ABHD5: variants seen among roughly 807,000 people sequenced by gnomAD.
The protein encoded by ABHD5 is abhydrolase domain containing 5, lysophosphatidic acid acyltransferase, also known as 1-acylglycerol-3-phosphate O-acyltransferase ABHD5.
In ABHD5, 30 loss-of-function variants were observed where a neutral mutation model predicts 44.9. The observed-to-expected ratio is 0.67, with a 90% CI of 0.50 to 0.91. ABHD5 has a LOEUF of 0.91. Ranked by LOEUF, ABHD5 falls within the 40% of genes least tolerant of loss-of-function variation. ABHD5 has a pLI of 0.00. For missense variants in ABHD5, 399 were observed against 423.4 expected (o/e 0.94, Z 0.50); for synonymous variants, 167 against 147.0 (o/e 1.14, Z -0.99).
In ABHD5 at chr3:43,718,636, G is replaced by A. The variant is rs2149607165; in HGVS notation, c.*104G>A. On this transcript the variant is annotated 3_prime_UTR_variant, in exon 7 of 7. Coordinates refer to ENST00000644371, the MANE Select transcript of ABHD5 (RefSeq NM_016006.6). ...AGTGAATACAACACACAACCAGGCA[G>A]CCTTCTTGACTATACTTTGCACATG... 8.8e-7 allele frequency: 1 copy of A among 1,135,504 alleles called. No homozygotes were observed. Among genetic ancestry groups the A allele is most frequent in the Non-Finnish European group, 1.3e-6 (1 of 750,156 alleles). 70.3% of individuals were successfully genotyped at this position (1,135,504 alleles called of 1,614,324 possible).
rs191845239 is a variant in ABHD5, at chr3:43,703,921, G to C, written c.506+1334G>C. Among the ~76,000 whole-genome samples the C allele has an allele frequency of 4.6e-5, 7 of 151,850 alleles. No homozygotes were observed. In the East Asian group the frequency reaches 1.2e-3, roughly 25 times the overall value. Reference sequence around the variant, plus strand: ...TACACCTGATTTTTCTGATCTCATGGTCCTATATGTGCTAGACAATAATAG... The same window carrying C: ...TACACCTGATTTTTCTGATCTCATGCTCCTATATGTGCTAGACAATAATAG... On this transcript the variant is annotated intron_variant, in intron 3 of 6. Transcript: ENST00000644371.
intron 3 of ABHD5, among the ~76,000 whole-genome samples, chr3:43,705,662 C>G (rs1458727060): frequency 1.3e-5 from 2 of 152,160 alleles, no homozygotes; most frequent in African/African-American, 4.8e-5. Context: ...CTGGAATTAA[C>G]AATCTCACGG....
intron 4 of ABHD5, among the ~76,000 whole-genome samples, chr3:43,714,089 C>T (rs1219334889): frequency 1.3e-5 from 2 of 151,640 alleles, no homozygotes; most frequent in Non-Finnish European, 1.5e-5. Flanking sequence ...CCCTTGTGGG[C>T]CTTGCCCTGG....
At chr3:43,697,961 A>G (rs1363875210) in intron 1 of ABHD5, among the ~76,000 whole-genome samples, 1 of 152,218 alleles carries the variant, frequency 6.6e-6, no homozygotes, top group Non-Finnish European at 1.5e-5. Context: ...TGGACTGAGA[A>G]TCCCCTGGAT....
At chr3:43,696,192 T>G (rs2149592103) in intron 1 of ABHD5, among the ~76,000 whole-genome samples, 1 of 152,352 alleles carries the variant, frequency 6.6e-6, no homozygotes, top group East Asian at 1.9e-4. Context: ...GACACTTTGG[T>G]CACTGTTGAA....
intron 2 of ABHD5, among the ~76,000 whole-genome samples, chr3:43,700,013 G>C (rs2084520918): frequency 1.3e-5 from 2 of 152,176 alleles, no homozygotes; most frequent in Non-Finnish European, 1.5e-5. Flanking sequence ...TATGCTTTGA[G>C]AACAGATTCT....
intron 1 of ABHD5, among the ~76,000 whole-genome samples, chr3:43,692,879 C>G (rs906285169): frequency 6.6e-6 from 1 of 152,142 alleles, no homozygotes; most frequent in Non-Finnish European, 1.5e-5. Context: ...GTTCCCTACC[C>G]TTAAGACATT....
chr3:43,717,894 G>T, intron 6 of ABHD5, 37 bp downstream of exon 6: 1 of 1,612,960 alleles, frequency 6.2e-7, no homozygotes, highest in South Asian at 1.1e-5. Flanking sequence ...TTAGGTATAG[G>T]TGAGGTCCGT....
Position 43,702,393 on chromosome 3 carries a change from CTA to C in ABHD5, c.314_315del (p.Tyr105CysfsTer3). The C allele has an allele frequency of 3.1e-6, 5 of 1,614,210 alleles. No individual in the cohort carries two copies. Among genetic ancestry groups the C allele is most frequent in the Non-Finnish European group, 4.2e-6 (5 of 1,180,048 alleles). The stretch of plus-strand genomic sequence containing the variant: ...GAGATCTTTGCACCAACAGACCTGT[CTA>C]TGCTTTTGACCTATTGGGTTTTGGA... ...FGDLCTNRPVYAFDLLGFGRS... is the reference protein window; with the variant it reads ...FGDLCTNRPVXAFDLLGFGRS... On this transcript the variant is annotated frameshift_variant, in exon 3 of 7. Coordinates refer to ENST00000644371, the MANE Select transcript of ABHD5 (RefSeq NM_016006.6). LOFTEE classifies it high-confidence loss of function.
chr3:43,720,347 T>C lies in ABHD5; in HGVS notation c.*1815T>C, dbSNP rs1389118614. The C allele has an allele frequency of 6.6e-6, 1 of 152,202 alleles. No individual in the cohort carries two copies. The highest frequency in any genetic ancestry group is 1.5e-5 in the Non-Finnish European group (1 of 68,038). 9.4% of individuals were successfully genotyped at this position (152,202 alleles called of 1,614,324 possible). A position where few individuals can be genotyped will look rare whatever the true frequency, so the allele number is the denominator to read the frequency against. ...GCACAGGAAATTTGGTCCCAGCCCT[T>C]GGAAGGAAGAAGTTCCTTCGTTTAC... On this transcript the variant is annotated 3_prime_UTR_variant, in exon 7 of 7. Coordinates refer to ENST00000644371, the MANE Select transcript of ABHD5 (RefSeq NM_016006.6).
At chr3:43,715,427 T>C (rs1395153493) in intron 5 of ABHD5, among the ~76,000 whole-genome samples, 1 of 152,204 alleles carries the variant, frequency 6.6e-6, no homozygotes, top group Non-Finnish European at 1.5e-5. Context: ...CCTCCCAAAA[T>C]GTTGGGATTA....
At chr3:43,717,387 A>T (rs1294189226) in intron 5 of ABHD5, among the ~76,000 whole-genome samples, 9 of 152,222 alleles carry the variant, frequency 5.9e-5, no homozygotes, top group Non-Finnish European at 1.3e-4. Flanking sequence ...ATTTTTAACT[A>T]TCTCCACAAT....
rs575959466 is a variant in ABHD5 at position 43,718,531 on chromosome 3, G to A, written c.1049G>A (p.Ter350=). Residue 350 remains the stop codon, a stop_retained_variant, in exon 7 of 7, where the codon TGA becomes TAA. Transcript: ENST00000644371. ...AAGGAGATCTGCGACACTGTGGACTGAACACACTGAAGCTCTGATGGGAAA... is the reference window on the plus strand; with the variant it reads ...AAGGAGATCTGCGACACTGTGGACTAAACACACTGAAGCTCTGATGGGAAA... ...KVKEICDTVD[*] is the part of the protein sequence containing the mutation. 19 of 1,613,900 alleles carry A rather than the reference G, an allele frequency of 1.2e-5. No homozygotes were observed. In the East Asian group the frequency reaches 4.2e-4, roughly 36 times the overall value.
chr3:43,717,955 A>G, intron 6 of ABHD5, 98 bp downstream of exon 6: 3 of 1,494,312 alleles, frequency 2.0e-6, no homozygotes, highest in East Asian at 2.3e-5. Flanking sequence ...GTTGCAGGTC[A>G]TCTGAGCCAT....
intron 3 of ABHD5, among the ~76,000 whole-genome samples, chr3:43,705,974 G>C (rs2084613999): frequency 6.6e-6 from 1 of 152,110 alleles, no homozygotes; most frequent in Non-Finnish European, 1.5e-5. Context: ...TAGACTCACA[G>C]ATCCAAACAT....
At chr3:43,704,764 G>A (rs1403447202) in intron 3 of ABHD5, among the ~76,000 whole-genome samples, 1 of 152,214 alleles carries the variant, frequency 6.6e-6, no homozygotes, top group East Asian at 1.9e-4. Context: ...TCCTGCATTG[G>A]ACTAATAATA....
chr3:43,727,001 T>C (rs1286325789), downstream of ABHD5, among the ~76,000 whole-genome samples: 27 of 152,190 alleles, frequency 1.8e-4, no homozygotes, highest in Non-Finnish European at 2.9e-5. Context: ...ACTTTATCCT[T>C]AGCTGCAGAA....
chr3:43,714,807 A>G (rs1302933713), intron 4 of ABHD5, 140 bp from the exon 5 acceptor site: 6 of 589,314 alleles, frequency 1.0e-5, no homozygotes, highest in Non-Finnish European at 1.9e-5. Flanking sequence ...TTTCCCACCT[A>G]CAATATATAT....
chr3:43,703,747 GTACCTATAAGA>G (rs1466308633), intron 3 of ABHD5, among the ~76,000 whole-genome samples: 13 of 127,632 alleles, frequency 1.0e-4, no homozygotes, highest in African/African-American at 4.3e-4. Context: ...GTGCCTGTAT[GTACCTATAAGA>G]TCTCCCCATT....
Sources: gnomAD v4.1 joint callset for allele counts (sites outside exome capture counted in the v4.1 genomes callset) on GRCh38, gnomAD v4.1.1 for gene constraint, MANE v1.5 for transcripts, NCBI Gene and HGNC (gene_info 2026-07-23, HGNC 2026-07-21) for gene names.